Variants in DYM observed in about 807,000 individuals in gnomAD.
DYM encodes dyggve-Melchior-Clausen syndrome protein.
Under a neutral mutation model 93.1 loss-of-function variants are expected in DYM, and 78 were observed. That is an observed-to-expected ratio of 0.84 (90% confidence interval 0.70 to 1.01). DYM has a LOEUF of 1.01. Among genes scored for constraint, DYM ranks in the 50% least tolerant of loss-of-function variants. The probability of loss-of-function intolerance (pLI) is 0.00; values close to 1 mark genes in which losing one functional copy is unlikely to be tolerated. For missense variants in DYM, 789 were observed against 845.0 expected, an observed-to-expected ratio of 0.93 and a Z score of 0.82; for synonymous variants, 321 against 319.7, an observed-to-expected ratio of 1.00 and a Z score of -0.04.
chr18:49,338,612 T>C (rs2063843320), intron 6 of DYM, among the ~76,000 whole-genome samples: 1 of 152,176 alleles, frequency 6.6e-6, no homozygotes, highest in African/African-American at 2.4e-5. Flanking sequence ...CCTGTGTATA[T>C]ATGGAAATAA....
chr18:49,428,871 G>T lies in DYM; in HGVS notation c.140+1384C>A, dbSNP rs141781560. Reference sequence around the variant, plus strand: ...TAAATGGGTGAATTACATGATATATGAAACATATCTCAAAAAGTGTATTAT... The same window carrying T: ...TAAATGGGTGAATTACATGATATATTAAACATATCTCAAAAAGTGTATTAT... On this transcript the variant is annotated intron_variant, in intron 2 of 17. Coordinates refer to ENST00000675505, the MANE Select transcript of DYM (RefSeq NM_001353214.3). Among the ~76,000 whole-genome samples the T allele has an allele frequency of 2.1e-3, 313 of 152,186 alleles. 2 individuals are homozygous for T. The highest frequency in any genetic ancestry group is 6.9e-3 in the African/African-American group (285 of 41,526).
chr18:49,286,591 T>C lies in DYM; in HGVS notation c.789A>G (p.Leu263=), dbSNP rs781589294. The change falls in exon 9 of 18, where the codon CTA becomes CTG. Residue 263 remains leucine, a synonymous_variant. Coordinates refer to ENST00000675505, the MANE Select transcript of DYM (RefSeq NM_001353214.3). ...VATGLWTVFT[L]GGVGSKAAAS... ...CAGCCGCTTTGCTGCCCACACCACC[T>C]AGTGTGAAGACAGTCCAGAGTCCTG... The C allele has an allele frequency of 3.4e-5, 55 of 1,613,888 alleles. 1 individual carries two copies. The South Asian group carries it at 5.5e-4, about 16-fold the overall frequency.
chr18:49,097,947 T>C (rs2079734123), intron 16 of DYM, among the ~76,000 whole-genome samples: 2 of 151,386 alleles, frequency 1.3e-5, no homozygotes, highest in Non-Finnish European at 2.9e-5. Flanking sequence ...TTGAAACTAA[T>C]GGCTAAAATG....
At chr18:49,242,989 C>T (rs1027330232) in intron 13 of DYM, among the ~76,000 whole-genome samples, 2 of 152,116 alleles carry the variant, frequency 1.3e-5, no homozygotes, top group South Asian at 2.1e-4. Flanking sequence ...CGTGAGCCAC[C>T]GCACCCGGCC....
chr18:49,259,012 G>A (rs77454953), intron 11 of DYM, among the ~76,000 whole-genome samples: 11,486 of 150,994 alleles, frequency 0.076, 719 homozygotes, highest in East Asian at 0.31. Flanking sequence ...AGGCTCAGCC[G>A]AGCACTAGAA....
intron 15 of DYM, among the ~76,000 whole-genome samples, chr18:49,162,726 G>T (rs971937260): frequency 6.6e-6 from 1 of 152,230 alleles, no homozygotes; most frequent in Admixed American, 6.5e-5. Flanking sequence ...GGTAAGACTG[G>T]AGTCACACCC....
chr18:49,328,496 A>C (rs2063072772), intron 8 of DYM, among the ~76,000 whole-genome samples: 1 of 152,218 alleles, frequency 6.6e-6, no homozygotes, highest in South Asian at 2.1e-4. Context: ...GTGAACAGAC[A>C]ACCTACAGAA....
chr18:49,177,894 G>C lies in DYM; in HGVS notation c.1626-14107C>G, dbSNP rs146979597. Reference sequence around the variant, plus strand: ...CTTTTAAATAAACTATCTACTGACTGGTGGATAAGATATTCTTTGAGTTAA... The same window carrying C: ...CTTTTAAATAAACTATCTACTGACTCGTGGATAAGATATTCTTTGAGTTAA... On this transcript the variant is annotated intron_variant, in intron 14 of 17. Transcript: ENST00000675505. Among the ~76,000 whole-genome samples, 827 of 152,134 alleles carry C rather than the reference G, an allele frequency of 5.4e-3. 5 individuals carry two copies. The highest frequency in any genetic ancestry group is 0.018 in the African/African-American group (764 of 41,522).
chr18:49,420,873 C>G (rs925877405), intron 2 of DYM, among the ~76,000 whole-genome samples: 9 of 152,190 alleles, frequency 5.9e-5, no homozygotes, highest in Admixed American at 5.2e-4. Context: ...TATCCCACGC[C>G]TGGCTCGGAG....
intron 3 of DYM, 29 bp from the exon 4 acceptor site, chr18:49,379,787 T>C: frequency 6.4e-7 from 1 of 1,552,700 alleles, no homozygotes; most frequent in Non-Finnish European, 8.9e-7. Flanking sequence ...TTTTAAAAAG[T>C]TAAATTTAAG....
At chr18:49,331,660 CCATT>C (rs2063313863) in intron 8 of DYM, among the ~76,000 whole-genome samples, 200 bp downstream of exon 8, 1 of 152,194 alleles carries the variant, frequency 6.6e-6, no homozygotes, top group Non-Finnish European at 1.5e-5. Context: ...TGTAGGTAAT[CCATT>C]CATTATTTGC....
chr18:49,409,030 A>T (rs1237469141), intron 2 of DYM, among the ~76,000 whole-genome samples: 2 of 152,192 alleles, frequency 1.3e-5, no homozygotes, highest in East Asian at 3.8e-4. Context: ...CACACTTGCA[A>T]TCCCAGCACC....
intron 13 of DYM, among the ~76,000 whole-genome samples, chr18:49,219,438 G>A (rs1214188769): frequency 2.0e-5 from 3 of 152,096 alleles, no homozygotes; most frequent in African/African-American, 7.2e-5. Context: ...CCAAAGCCTG[G>A]CAGAGACACA....
chr18:49,208,719 C>T (rs1287989840), intron 14 of DYM: 1 of 152,074 alleles, frequency 6.6e-6, no homozygotes, highest in African/African-American at 2.4e-5. Context: ...GGAGTTTTCT[C>T]CTTCTTCATC....
chr18:49,421,025 G>A (rs185831420), intron 2 of DYM, among the ~76,000 whole-genome samples: 54 of 152,106 alleles, frequency 3.6e-4, no homozygotes, highest in South Asian at 2.1e-3. Context: ...AGCCCAAACC[G>A]CAGCTCAAGG....
chr18:49,207,704 T>C (rs1170626125), intron 14 of DYM, among the ~76,000 whole-genome samples: 7 of 152,170 alleles, frequency 4.6e-5, no homozygotes, highest in African/African-American at 1.7e-4. Flanking sequence ...CATTTAGAAT[T>C]TGAGACTGCA....
intron 2 of DYM, among the ~76,000 whole-genome samples, chr18:49,407,286 G>A (rs1213609416): frequency 2.6e-5 from 4 of 152,072 alleles, no homozygotes; most frequent in South Asian, 4.1e-4. Flanking sequence ...ATGATAAAAC[G>A]GTATAGAGCT....
intron 2 of DYM, 60 bp downstream of exon 2, chr18:49,430,195 A>G: frequency 6.5e-7 from 1 of 1,537,182 alleles, no homozygotes; most frequent in Middle Eastern, 1.7e-4. Flanking sequence ...TTTAATCAGC[A>G]TACCACACAA....
intron 2 of DYM, among the ~76,000 whole-genome samples, chr18:49,420,168 T>G (rs1364869400): frequency 8.2e-6 from 1 of 121,902 alleles, no homozygotes; most frequent in Middle Eastern, 3.9e-3. Context: ...AAAATTCGTT[T>G]TTTTTTTTTT....
Sources: gnomAD v4.1 joint callset for allele counts (sites outside exome capture counted in the v4.1 genomes callset) on GRCh38, gnomAD v4.1.1 for gene constraint, MANE v1.5 for transcripts, NCBI Gene and HGNC (gene_info 2026-07-23, HGNC 2026-07-21) for gene names.